FMNL2: variants seen among roughly 807,000 people sequenced by gnomAD.
FMNL2 encodes formin like 2.
Under a neutral mutation model 130.2 loss-of-function variants are expected in FMNL2, and 51 were observed. That is an observed-to-expected ratio of 0.39 (90% confidence interval 0.31 to 0.49). The LOEUF (loss-of-function observed/expected upper bound fraction) is 0.49. FMNL2 is among the 20% of genes least tolerant of loss of function. The pLI, the probability that FMNL2 is intolerant of heterozygous loss-of-function variation, is 0.85. For synonymous variants in FMNL2, 465 were observed against 467.1 expected (o/e 1.00, Z 0.06); for missense variants, 977 against 1,316.2 (o/e 0.74, Z 3.99).
intron 1 of FMNL2, among the ~76,000 whole-genome samples, chr2:152,371,031 G>C (rs904452945): frequency 1.3e-5 from 2 of 152,294 alleles, no homozygotes; most frequent in African/African-American, 2.4e-5. Context: ...GTTGCCTAAT[G>C]ATATAAAGCC....
At chr2:152,629,763 C>T in intron 19 of FMNL2, 39 bp downstream of exon 19, 1 of 1,601,820 alleles carries the variant, frequency 6.2e-7, no homozygotes. Context: ...AGGACTACTT[C>T]AGCTGCGTTC....
At chr2:152,363,112 G>A (rs997493973) in intron 1 of FMNL2, among the ~76,000 whole-genome samples, 5 of 152,204 alleles carry the variant, frequency 3.3e-5, no homozygotes, top group Non-Finnish European at 4.4e-5. Flanking sequence ...AAAATTGGTG[G>A]TGATGGTTGC....
rs184079110 is a variant in FMNL2 at position 152,623,015 on chromosome 2, C to T, written c.1838-2423C>T. ...GTCCAGTGGTCACCTATGTGCTTTC[C>T]TCCTCTTCCCACTCCCACCCTGGTT... On this transcript the variant is annotated intron_variant, in intron 15 of 25. Transcript: ENST00000288670. Among the ~76,000 whole-genome samples, 255 of 152,194 alleles carry T rather than the reference C, an allele frequency of 1.7e-3. 2 individuals carry two copies. The highest frequency in any genetic ancestry group is 3.2e-3 in the Non-Finnish European group (220 of 68,002).
intron 9 of FMNL2, among the ~76,000 whole-genome samples, chr2:152,582,077 G>C (rs10497109): frequency 0.042 from 6,380 of 152,204 alleles, 231 homozygotes; most frequent in Non-Finnish European, 0.059. Flanking sequence ...TTAATATCTT[G>C]ATTTTAGCGA....
chr2:152,488,539 C>T (rs979621297), intron 1 of FMNL2, among the ~76,000 whole-genome samples: 16 of 152,130 alleles, frequency 1.1e-4, no homozygotes, highest in South Asian at 2.1e-4. Flanking sequence ...ACTGAGATAA[C>T]GTATAATTTA....
chr2:152,524,306 C>T (rs1693264394), intron 2 of FMNL2, among the ~76,000 whole-genome samples: 1 of 152,164 alleles, frequency 6.6e-6, no homozygotes, highest in Admixed American at 6.5e-5. Context: ...AGAAATGCCT[C>T]TTGGTCCTTT....
chr2:152,647,470 CA>C (rs1169842832), intron 25 of FMNL2, among the ~76,000 whole-genome samples: 2 of 151,970 alleles, frequency 1.3e-5, no homozygotes, highest in African/African-American at 4.8e-5. Flanking sequence ...AAAAACAAAA[CA>C]AAAAAATTAA....
chr2:152,528,147 A>G (rs150698597), intron 2 of FMNL2, among the ~76,000 whole-genome samples: 133 of 152,268 alleles, frequency 8.7e-4, no homozygotes, highest in African/African-American at 3.0e-3. Flanking sequence ...ACCTTTTTCT[A>G]TCATATAAAA....
intron 1 of FMNL2, among the ~76,000 whole-genome samples, chr2:152,512,864 A>G (rs945503677): frequency 1.3e-5 from 2 of 152,216 alleles, no homozygotes; most frequent in African/African-American, 2.4e-5. Context: ...AGTCAGGAAA[A>G]GATGGAGGTG....
intron 6 of FMNL2, among the ~76,000 whole-genome samples, chr2:152,563,176 C>A (rs1695629505): frequency 6.6e-6 from 1 of 152,034 alleles, no homozygotes; most frequent in Non-Finnish European, 1.5e-5. Flanking sequence ...GAAAGTCAGA[C>A]CAAAAGCATG....
rs1203564991 is a variant in FMNL2 at position 152,574,457 on chromosome 2, AAAG to A, written c.597-676_597-674del. Among the ~76,000 whole-genome samples the A allele has an allele frequency of 2.6e-5, 4 of 151,392 alleles. No individual in the cohort carries two copies. The East Asian group carries it at 7.7e-4, about 29-fold the overall frequency. ...CTCAAAAAAAAAAAAAAAAAAAAGA[AAAG>A]AAACAGATGTGTAAGGTTTGTCTAC... On this transcript the variant is annotated intron_variant, in intron 6 of 25. Coordinates refer to ENST00000288670, the MANE Select transcript of FMNL2 (RefSeq NM_052905.4).
intron 1 of FMNL2, among the ~76,000 whole-genome samples, chr2:152,406,403 C>A (rs1685984145): frequency 6.6e-6 from 1 of 152,066 alleles, no homozygotes; most frequent in South Asian, 2.1e-4. Context: ...AGAAAAGAAT[C>A]AGAGGAAGAG....
intron 15 of FMNL2, among the ~76,000 whole-genome samples, chr2:152,624,464 T>C (rs936649753): frequency 4.6e-5 from 7 of 151,436 alleles, no homozygotes; most frequent in African/African-American, 1.5e-4. Context: ...TTCTTTTCCT[T>C]CCCCCCCGCC....
intron 1 of FMNL2, among the ~76,000 whole-genome samples, chr2:152,382,744 A>G (rs1189563145): frequency 6.6e-6 from 1 of 152,230 alleles, no homozygotes; most frequent in Non-Finnish European, 1.5e-5. Flanking sequence ...ATATAAAAAA[A>G]TCACATACAC....
chr2:152,565,130 G>T (rs931360854), intron 6 of FMNL2, among the ~76,000 whole-genome samples: 2 of 152,172 alleles, frequency 1.3e-5, no homozygotes, highest in African/African-American at 2.4e-5. Flanking sequence ...GAAGACAAAG[G>T]CTGTGTTATT....
intron 4 of FMNL2, among the ~76,000 whole-genome samples, chr2:152,556,282 C>T (rs1209671910): frequency 6.6e-6 from 1 of 152,136 alleles, no homozygotes; most frequent in Admixed American, 6.5e-5. Flanking sequence ...TTTCCTAAAG[C>T]AGCTGGGGGT....
chr2:152,479,208 C>T (rs967397002), intron 1 of FMNL2, among the ~76,000 whole-genome samples: 12 of 152,118 alleles, frequency 7.9e-5, no homozygotes, highest in African/African-American at 2.9e-4. Flanking sequence ...ACTGCAGCCT[C>T]GAACTCCTGG....
intron 1 of FMNL2, among the ~76,000 whole-genome samples, chr2:152,388,763 A>G (rs1354126374): frequency 6.6e-6 from 1 of 152,222 alleles, no homozygotes; most frequent in Admixed American, 6.5e-5. Flanking sequence ...AAGTTTTCAA[A>G]AAGAAGTTAG....
rs369900467 is a variant in FMNL2 at position 152,521,995 on chromosome 2, A to G, written c.170A>G (p.Asn57Ser). The G allele has an allele frequency of 4.3e-6, 7 of 1,611,592 alleles. No homozygotes were observed. The African/African-American group carries it at 9.4e-5, about 22-fold the overall frequency. ...GCCAGGTTACTGCGGCAGTATGATA[A>G]TGAGAAAAAATGGGAACTGATTTGT... ...DKARLLRQYD[N>S]EKKWELICDQ... Residue 57 changes from asparagine to serine, a missense_variant, in exon 2 of 26, where the codon AAT (asparagine) becomes AGT (serine). Physicochemically the swap from Asn to Ser is conservative, Grantham distance 46. This residue lies in a region of FMNL2 where 117 missense variants were observed against 134.9 expected (regional missense o/e 0.87). Coordinates refer to ENST00000288670, the MANE Select transcript of FMNL2 (RefSeq NM_052905.4).
Sources: allele counts gnomAD v4.1 joint callset (sites outside exome capture counted in the v4.1 genomes callset), GRCh38; gene constraint gnomAD v4.1.1; regional missense constraint gnomAD v4.1.1; transcripts MANE v1.5; gene names NCBI Gene and HGNC (gene_info 2026-07-23, HGNC 2026-07-21).